The following ZNF821 variants were observed in gnomAD, a reference collection of about 807,000 sequenced individuals.
The protein encoded by ZNF821 is zinc finger protein 821.
A neutral mutation model predicts 44.3 loss-of-function variants in ZNF821; 16 were observed. The ratio of observed to expected loss-of-function variants is 0.36; its 90% confidence interval spans 0.24 to 0.55. ZNF821 has a LOEUF of 0.55. Ranked by LOEUF, ZNF821 falls within the 20% of genes least tolerant of loss-of-function variation. ZNF821 has a pLI of 0.86. For synonymous variants in ZNF821, 204 were observed against 197.6 expected, an observed-to-expected ratio of 1.03 and a Z score of -0.27; for missense variants, 436 against 547.6, an observed-to-expected ratio of 0.80 and a Z score of 2.03.
upstream of ZNF821, among the ~76,000 whole-genome samples, chr16:71,886,455 TA>T (rs1240279508): frequency 3.9e-5 from 6 of 152,240 alleles, no homozygotes; most frequent in African/African-American, 1.2e-4. Flanking sequence ...TAACCATATA[TA>T]TTTTTTTAGC....
At chr16:71,868,556 A>T (rs545450685) in intron 3 of ZNF821, among the ~76,000 whole-genome samples, 111 of 152,314 alleles carry the variant, frequency 7.3e-4, no homozygotes, top group African/African-American at 2.6e-3. Context: ...TTCTTCCAAA[A>T]CGTACCCTGG....
At chr16:71,871,028 C>T (rs542389887) in intron 3 of ZNF821, among the ~76,000 whole-genome samples, 2 of 152,150 alleles carry the variant, frequency 1.3e-5, no homozygotes, top group African/African-American at 2.4e-5. Flanking sequence ...TAAAAAGACA[C>T]CTAAAAGGAT....
chr16:71,881,019 T>G (rs1459079241), intron 2 of ZNF821, among the ~76,000 whole-genome samples: 1 of 152,208 alleles, frequency 6.6e-6, no homozygotes, highest in African/African-American at 2.4e-5. Flanking sequence ...TGTCATTTTC[T>G]TAGAAAGAGT....
upstream of ZNF821, among the ~76,000 whole-genome samples, chr16:71,886,562 AT>A (rs1389044693): frequency 1.3e-5 from 2 of 152,102 alleles, no homozygotes; most frequent in African/African-American, 4.8e-5. Context: ...TTCCTAATCC[AT>A]TTTATATTTG....
At position 71,873,980 on chromosome 16, in the gene ZNF821, T is replaced by C. The variant is rs1210066392; in HGVS notation, c.40+5927A>G. 7.7e-5 allele frequency among the ~76,000 whole-genome samples: 10 copies of C among 130,308 alleles called. No individual in the cohort carries two copies. In the East Asian group the frequency reaches 1.4e-3, roughly 18 times the overall value. 85.5% of individuals were successfully genotyped at this position (130,308 alleles called of 152,430 possible). ...AATTTTTTTTTTTTTTTTTTTGAGA[T>C]GGAGTTTTGCTCTTGTTGCCCAGGC... On this transcript the variant is annotated intron_variant, in intron 3 of 7. Coordinates refer to ENST00000425432, the MANE Select transcript of ZNF821 (RefSeq NM_001201552.2).
chr16:71,865,530 C>T (rs1266547385), intron 4 of ZNF821, among the ~76,000 whole-genome samples: 2 of 152,196 alleles, frequency 1.3e-5, no homozygotes, highest in East Asian at 3.9e-4. Context: ...TCAAGGCACA[C>T]TTACAGAAAC....
Position 71,859,775 on chromosome 16 carries a change from G to A in ZNF821, c.*243C>T, listed in dbSNP as rs1597114794. 2 of 533,514 alleles carry A rather than the reference G, an allele frequency of 3.7e-6. No individual in the cohort carries two copies. Among genetic ancestry groups the A allele is most frequent in the Non-Finnish European group, 6.6e-6 (2 of 304,156 alleles). The allele number at this position is 533,514 out of a possible 1,614,324, so 33.0% of individuals were successfully genotyped here. On this transcript the variant is annotated 3_prime_UTR_variant, in exon 8 of 8. Transcript: ENST00000425432. Reference sequence around the variant, plus strand: ...GAAGCACAGCCTGTGGCAGTGGGCTGGGGAGGCCAGTTCTCTGGACTGCCT... The same window carrying A: ...GAAGCACAGCCTGTGGCAGTGGGCTAGGGAGGCCAGTTCTCTGGACTGCCT...
chr16:71,859,833 C>G lies in ZNF821; in HGVS notation c.*185G>C. 3.0e-6 allele frequency: 2 copies of G among 674,246 alleles called. No homozygotes were observed. Among genetic ancestry groups the G allele is most frequent in the Non-Finnish European group, 4.9e-6 (2 of 410,794 alleles). 41.8% of individuals were successfully genotyped at this position (674,246 alleles called of 1,614,324 possible). On this transcript the variant is annotated 3_prime_UTR_variant, in exon 8 of 8. Transcript: ENST00000425432. ...TGTCCAGAGCTGCCTTGAGCCAGGTCCCTCCTGACCCCATCATCCTGTTCC... is the reference window on the plus strand; with the variant it reads ...TGTCCAGAGCTGCCTTGAGCCAGGTGCCTCCTGACCCCATCATCCTGTTCC...
upstream of ZNF821, among the ~76,000 whole-genome samples, chr16:71,888,535 T>C (rs994917890): frequency 2.6e-4 from 39 of 152,202 alleles, no homozygotes; most frequent in African/African-American, 8.9e-4. Flanking sequence ...GACTGTTCTT[T>C]CCCCCTTTGA....
Position 71,859,789 on chromosome 16 carries a change from T to C in ZNF821, c.*229A>G. On this transcript the variant is annotated 3_prime_UTR_variant, in exon 8 of 8. Coordinates refer to ENST00000425432, the MANE Select transcript of ZNF821 (RefSeq NM_001201552.2). ...GGCAGTGGGCTGGGGAGGCCAGTTC[T>C]CTGGACTGCCTGCTCCCTTGTCCAG... 1 of 564,888 alleles carries C rather than the reference T, an allele frequency of 1.8e-6. No homozygotes were observed. The highest frequency in any genetic ancestry group is 2.6e-5 in the South Asian group (1 of 38,196). The allele number at this position is 564,888 out of a possible 1,614,324, so 35.0% of individuals were successfully genotyped here.
At chr16:71,862,920 G>A (rs761351970) in intron 6 of ZNF821, among the ~76,000 whole-genome samples, 8 of 151,440 alleles carry the variant, frequency 5.3e-5, no homozygotes, top group Admixed American at 3.9e-4. Context: ...TTTAAGACAC[G>A]TCTCGTTTTG....
intron 3 of ZNF821, among the ~76,000 whole-genome samples, chr16:71,873,021 G>C (rs1044515552): frequency 1.3e-5 from 2 of 152,078 alleles, no homozygotes; most frequent in Non-Finnish European, 2.9e-5. Context: ...ACAAGTAGTT[G>C]ACAGAAATGT....
At position 71,860,414 on chromosome 16, in the gene ZNF821, C is replaced by T. The variant is rs368168048; in HGVS notation, c.843G>A (p.Lys281=). The part of the protein sequence containing the change: ...LQRLERERTA[K]KSRRDNETPE... ...GGGTCTCATTGTCCCGCCGGCTCTTCTTGGCCGTGCGCTCTCGTTCCAGCC... is the reference window on the plus strand; with the variant it reads ...GGGTCTCATTGTCCCGCCGGCTCTTTTTGGCCGTGCGCTCTCGTTCCAGCC... Residue 281 remains lysine (K), a synonymous_variant, in exon 8 of 8, where the codon AAG becomes AAA. Transcript: ENST00000425432. This position sits in a 1 kb window ranked among gnomAD's most constrained non-coding sequence, Gnocchi z 7.3. 1.7e-5 allele frequency: 28 copies of T among 1,613,096 alleles called. No homozygotes were observed. Among genetic ancestry groups the T allele is most frequent in the Admixed American group, 3.3e-5 (2 of 60,010 alleles).
chr16:71,878,113 C>CTTTTTTTTTTT (rs59096817), intron 3 of ZNF821, among the ~76,000 whole-genome samples: 1 of 121,748 alleles, frequency 8.2e-6, no homozygotes, highest in Non-Finnish European at 1.7e-5. Context: ...AACTATTTGT[C>CTTTTTTTTTTT]TTTTTTTTTT....
chr16:71,867,549 G>C (rs958764053), intron 4 of ZNF821, among the ~76,000 whole-genome samples: 1 of 152,092 alleles, frequency 6.6e-6, no homozygotes, highest in South Asian at 2.1e-4. Flanking sequence ...AGCTGGGCAT[G>C]GTGGTGTATG....
upstream of ZNF821, among the ~76,000 whole-genome samples, chr16:71,887,052 T>C (rs113274095): frequency 3.6e-4 from 55 of 152,380 alleles, no homozygotes; most frequent in African/African-American, 1.1e-3. Context: ...TATTCTGTTG[T>C]ATGGATATGC....
chr16:71,869,541 C>A (rs933850661), intron 3 of ZNF821, among the ~76,000 whole-genome samples: 1 of 148,692 alleles, frequency 6.7e-6, no homozygotes, highest in Non-Finnish European at 1.5e-5. Flanking sequence ...TGCAAAACTC[C>A]GTGTGGTAGG....
At chr16:71,868,204 C>T (rs570793424) in intron 3 of ZNF821, among the ~76,000 whole-genome samples, 167 bp from the exon 4 acceptor site, 1 of 152,370 alleles carries the variant, frequency 6.6e-6, no homozygotes, top group African/African-American at 2.4e-5. Flanking sequence ...CTGGGTGCAG[C>T]TGCTCTTCCT....
Position 71,859,868 on chromosome 16 carries a change from G to A in ZNF821, c.*150C>T, listed in dbSNP as rs1483250868. 2.3e-6 allele frequency: 2 copies of A among 865,326 alleles called. No individual in the cohort carries two copies. Among genetic ancestry groups the A allele is most frequent in the Non-Finnish European group, 3.5e-6 (2 of 578,996 alleles). 53.6% of individuals were successfully genotyped at this position (865,326 alleles called of 1,614,324 possible). On this transcript the variant is annotated 3_prime_UTR_variant, in exon 8 of 8. Transcript: ENST00000425432. Reference sequence around the variant, plus strand: ...CCCATCATCCTGTTCCCATATGCAAGGGCTGCTCAGGTCCACCTGCAATAA... The same window carrying A: ...CCCATCATCCTGTTCCCATATGCAAAGGCTGCTCAGGTCCACCTGCAATAA...
Sources: gnomAD v4.1 joint callset for allele counts (sites outside exome capture counted in the v4.1 genomes callset) on GRCh38, gnomAD v4.1.1 for gene constraint, Gnocchi (gnomAD v3.1) non-coding constraint, MANE v1.5 for transcripts, NCBI Gene and HGNC (gene_info 2026-07-23, HGNC 2026-07-21) for gene names.